TTC29: variants seen among roughly 807,000 people sequenced by gnomAD.
TTC29 encodes the protein tetratricopeptide repeat domain 29.
A neutral mutation model predicts 58.1 loss-of-function variants in TTC29; 49 were observed. The observed-to-expected ratio is 0.84, with a 90% CI of 0.67 to 1.07. TTC29 has a LOEUF of 1.07. Among genes scored for constraint, TTC29 ranks in the 50% least tolerant of loss-of-function variants. The pLI is 0.00. For synonymous variants in TTC29, 209 were observed against 196.8 expected, an observed-to-expected ratio of 1.06 and a Z score of -0.52; for missense variants, 582 against 555.6, an observed-to-expected ratio of 1.05 and a Z score of -0.48.
intron 11 of TTC29, among the ~76,000 whole-genome samples, chr4:146,747,329 A>C (rs1217491881): frequency 1.3e-5 from 2 of 152,244 alleles, no homozygotes; most frequent in Non-Finnish European, 2.9e-5. Flanking sequence ...AGGGGTGAGT[A>C]GCCATTACGT....
intron 6 of TTC29, among the ~76,000 whole-genome samples, chr4:146,879,401 C>T (rs899481368): frequency 1.7e-4 from 24 of 145,202 alleles, no homozygotes; most frequent in Admixed American, 6.8e-4. Flanking sequence ...TTCTGAGTAA[C>T]GGTTCTGATA....
intron 11 of TTC29, among the ~76,000 whole-genome samples, chr4:146,780,249 T>G (rs548756487): frequency 6.6e-6 from 1 of 151,634 alleles, no homozygotes; most frequent in African/African-American, 2.4e-5. Context: ...AGCATTTTAA[T>G]GGGTATAGGA....
chr4:146,743,471 T>G (rs939007767), intron 11 of TTC29, among the ~76,000 whole-genome samples: 1 of 152,174 alleles, frequency 6.6e-6, no homozygotes, highest in African/African-American at 2.4e-5. Context: ...AGTTCAGAAG[T>G]GAACAAGCAG....
chr4:146,889,831 G>T (rs1207411614), intron 6 of TTC29, among the ~76,000 whole-genome samples: 2 of 151,988 alleles, frequency 1.3e-5, no homozygotes, highest in Non-Finnish European at 2.9e-5. Flanking sequence ...AAAGAATGAG[G>T]TAAAAAGTAA....
At chr4:146,835,637 GT>G (rs1728460265) in intron 8 of TTC29, among the ~76,000 whole-genome samples, 1 of 152,092 alleles carries the variant, frequency 6.6e-6, no homozygotes, top group Admixed American at 6.6e-5. Context: ...GGCATTTACA[GT>G]TCAGTGCTCC....
At chr4:146,708,343 TATATATATATATAC>T (rs70958523) in intron 11 of TTC29, among the ~76,000 whole-genome samples, 9,816 of 41,518 alleles carry the variant, frequency 0.24, 1,038 homozygotes, top group South Asian at 0.38. Flanking sequence ...TATATATATA[TATATATATATATAC>T]ACATGTATGT....
At chr4:146,851,663 AAAG>A (rs1729524326) in intron 8 of TTC29, among the ~76,000 whole-genome samples, 1 of 152,204 alleles carries the variant, frequency 6.6e-6, no homozygotes, top group Non-Finnish European at 1.5e-5. Flanking sequence ...TGCTTTCAGA[AAAG>A]AATAATATTA....
chr4:146,709,806 A>G (rs552383501), intron 11 of TTC29, among the ~76,000 whole-genome samples: 10 of 152,280 alleles, frequency 6.6e-5, no homozygotes, highest in Admixed American at 2.0e-4. Flanking sequence ...AATAAATGAC[A>G]ATAGGGAAAA....
intron 11 of TTC29, among the ~76,000 whole-genome samples, chr4:146,749,489 A>G (rs560019407): frequency 7.2e-5 from 11 of 152,200 alleles, no homozygotes; most frequent in Non-Finnish European, 1.6e-4. Flanking sequence ...AAGAAAAGAA[A>G]AAAGAATAAA....
intron 11 of TTC29, among the ~76,000 whole-genome samples, chr4:146,791,514 C>G (rs945522277): frequency 2.6e-5 from 4 of 152,132 alleles, no homozygotes; most frequent in African/African-American, 9.7e-5. Flanking sequence ...ACTGACCAGC[C>G]ATTCCCCTGT....
chr4:146,884,923 T>C (rs1731878679), intron 6 of TTC29, among the ~76,000 whole-genome samples: 1 of 152,084 alleles, frequency 6.6e-6, no homozygotes, highest in African/African-American at 2.4e-5. Context: ...AATTTTTTAA[T>C]ATGATAGTAA....
intron 6 of TTC29, among the ~76,000 whole-genome samples, chr4:146,886,859 G>T (rs957837952): frequency 1.3e-5 from 2 of 152,188 alleles, no homozygotes; most frequent in Admixed American, 6.5e-5. Flanking sequence ...ACATGTTTTA[G>T]TTGTCATTTA....
chr4:146,721,498 C>A (rs1232678568), intron 11 of TTC29, among the ~76,000 whole-genome samples: 2 of 152,130 alleles, frequency 1.3e-5, no homozygotes, highest in Admixed American at 6.6e-5. Context: ...TAGCACCTTG[C>A]ATGATGTCTT....
intron 11 of TTC29, among the ~76,000 whole-genome samples, chr4:146,739,404 C>G (rs993180201): frequency 2.6e-5 from 4 of 152,278 alleles, no homozygotes; most frequent in African/African-American, 9.6e-5. Context: ...ACTCCTCTAA[C>G]ACTTTCTCTT....
chr4:146,926,035 G>A (rs1354814099), intron 4 of TTC29, among the ~76,000 whole-genome samples: 3 of 152,014 alleles, frequency 2.0e-5, no homozygotes, highest in African/African-American at 7.2e-5. Flanking sequence ...TGTTCATAGG[G>A]TTGTTTTAAG....
intron 11 of TTC29, among the ~76,000 whole-genome samples, chr4:146,743,390 C>T (rs4305536): frequency 0.99 from 151,507 of 152,328 alleles, 75,346 homozygotes; most frequent in Middle Eastern, 1. Flanking sequence ...AAAACAGATA[C>T]TGATTTTCAT....
At chr4:146,871,073 A>G (rs1730896347) in intron 7 of TTC29, among the ~76,000 whole-genome samples, 1 of 151,958 alleles carries the variant, frequency 6.6e-6, no homozygotes, top group Admixed American at 6.6e-5. Flanking sequence ...ATATAGTCAC[A>G]AAAATCCTTA....
At chr4:146,753,100 C>T (rs1339639437) in intron 11 of TTC29, among the ~76,000 whole-genome samples, 1 of 152,182 alleles carries the variant, frequency 6.6e-6, no homozygotes, top group East Asian at 1.9e-4. Context: ...AAACCACCAT[C>T]AGAGTGAACA....
intron 11 of TTC29, among the ~76,000 whole-genome samples, chr4:146,734,102 T>G (rs1744541571): frequency 6.6e-6 from 1 of 152,202 alleles, no homozygotes; most frequent in South Asian, 2.1e-4. Context: ...ATCAAATGAC[T>G]GGTCAGTTTT....
Sources: allele counts gnomAD v4.1 joint callset (sites outside exome capture counted in the v4.1 genomes callset), GRCh38; gene constraint gnomAD v4.1.1; transcripts MANE v1.5; gene names NCBI Gene and HGNC (gene_info 2026-07-23, HGNC 2026-07-21).